The following PLEKHF1 variants were observed in gnomAD, a reference collection of about 807,000 sequenced individuals.
The protein encoded by PLEKHF1 is pleckstrin homology domain-containing family F member 1.
PLEKHF1 carries 1 observed loss-of-function variant against 4.1 expected under a neutral mutation model. The ratio of observed to expected loss-of-function variants is 0.24; its 90% confidence interval spans 0.09 to 1.15. The LOEUF (loss-of-function observed/expected upper bound fraction) is 1.15. Ranked by LOEUF, PLEKHF1 falls within the 50% of genes most tolerant of loss-of-function variation. The probability of loss-of-function intolerance (pLI) is 0.52; values close to 1 mark genes in which losing one functional copy is unlikely to be tolerated. For synonymous variants in PLEKHF1, 182 were observed against 178.5 expected (o/e 1.02, Z -0.16); for missense variants, 429 against 400.6 (o/e 1.07, Z -0.60).
At chr19:29,668,001 T>C (rs1971588614) in intron 1 of PLEKHF1, among the ~76,000 whole-genome samples, 1 of 152,110 alleles carries the variant, frequency 6.6e-6, no homozygotes, top group Non-Finnish European at 1.5e-5. Context: ...TGATCACGTA[T>C]CACACCTGGG....
rs1181846268 is a variant in PLEKHF1, at chr19:29,674,333, G to A, written c.494G>A (p.Arg165His). The change falls in exon 2 of 2, where the codon CGC becomes CAC. Residue 165 changes from arginine to histidine, a missense_variant. Arg to His is a conservative substitution (Grantham distance 29). Coordinates refer to ENST00000436066, the MANE Select transcript of PLEKHF1 (RefSeq NM_024310.5). ...TDICMRCTQTRFSALTRRHHC... is the reference protein window; with the variant it reads ...TDICMRCTQTHFSALTRRHHC... ...ATCTGCATGCGCTGCACGCAGACGCGCTTCTCTGCCCTCACGAGGCGCCAC... is the reference window on the plus strand; with the variant it reads ...ATCTGCATGCGCTGCACGCAGACGCACTTCTCTGCCCTCACGAGGCGCCAC... 5 of 1,567,534 alleles carry A rather than the reference G, an allele frequency of 3.2e-6. No individual in the cohort carries two copies. The highest frequency in any genetic ancestry group is 3.3e-4 in the Middle Eastern group (2 of 6,014).
intron 1 of PLEKHF1, among the ~76,000 whole-genome samples, chr19:29,668,110 C>T (rs923160090): frequency 7.2e-5 from 11 of 152,166 alleles, no homozygotes; most frequent in African/African-American, 2.7e-4. Context: ...CACCTCCAGC[C>T]CCTGTGCAGG....
At position 29,665,539 on chromosome 19, in the gene PLEKHF1, G is replaced by A. The variant is rs931053381; in HGVS notation, c.-17+34G>A. On this transcript the variant is annotated intron_variant, in intron 1 of 1. Coordinates refer to ENST00000436066, the MANE Select transcript of PLEKHF1 (RefSeq NM_024310.5). ...CCCCACCGTCCCCCGGCCGGGCTGC[G>A]GGTCGCGGGGCAGGCGCATGAGGCG... 9.6e-6 allele frequency: 12 copies of A among 1,251,168 alleles called. 1 individual carries two copies. In the African/African-American group the frequency reaches 1.5e-4, roughly 15 times the overall value. 77.5% of individuals were successfully genotyped at this position (1,251,168 alleles called of 1,614,324 possible). A position where few individuals can be genotyped will look rare whatever the true frequency, so the allele number is the denominator to read the frequency against.
intron 1 of PLEKHF1, among the ~76,000 whole-genome samples, chr19:29,672,429 C>G (rs537382188): frequency 8.5e-4 from 130 of 152,162 alleles, no homozygotes; most frequent in Non-Finnish European, 1.5e-3. Flanking sequence ...GCTGCCTGAG[C>G]TGGGGTTGTC....
At chr19:29,665,545 CG>C in intron 1 of PLEKHF1, 40 bp downstream of exon 1, 1 of 1,252,596 alleles carries the variant, frequency 8.0e-7, no homozygotes, top group Non-Finnish European at 1.0e-6. Flanking sequence ...CTGCGGGTCG[CG>C]GGGCAGGCGC....
chr19:29,673,885 G>A lies in PLEKHF1; in HGVS notation c.46G>A (p.Ala16Thr), dbSNP rs746887769. 15 of 1,610,242 alleles carry A rather than the reference G, an allele frequency of 9.3e-6. No homozygotes were observed. The South Asian group carries it at 1.4e-4, about 15-fold the overall frequency. ...ANTEINSQRI[A>T]AVESCFGASG... is the part of the protein sequence containing the mutation. ...CACGGAGATCAACAGCCAGCGCATC[G>A]CGGCAGTGGAGAGCTGCTTCGGGGC... Residue 16 changes from alanine (A) to threonine (T), a missense_variant, in exon 2 of 2, where the codon GCG (alanine) becomes ACG (threonine). Physicochemically the swap from Ala to Thr is moderately conservative, Grantham distance 58 (BLOSUM62 0). Coordinates refer to ENST00000436066, the MANE Select transcript of PLEKHF1 (RefSeq NM_024310.5).
chr19:29,674,539 C>G lies in PLEKHF1; in HGVS notation c.700C>G (p.Leu234Val). 4 of 1,584,902 alleles carry G rather than the reference C, an allele frequency of 2.5e-6. No homozygotes were observed. Among genetic ancestry groups the G allele is most frequent in the Non-Finnish European group, 1.7e-6 (2 of 1,167,310 alleles). The stretch of plus-strand genomic sequence containing the variant: ...GGGGTCCCCAGGGCAGCCAGCCCAC[C>G]TGGCCCGGCCCATCTGCGGAGCGTC... ...GAGSPGQPAH[L>V]ARPICGASSG... Residue 234 changes from leucine (L) to valine (V), a missense_variant, in exon 2 of 2, where the codon CTG (leucine) becomes GTG (valine). Leu to Val is a conservative substitution (Grantham distance 32). Coordinates refer to ENST00000436066, the MANE Select transcript of PLEKHF1 (RefSeq NM_024310.5).
chr19:29,668,000 A>G lies in PLEKHF1; in HGVS notation c.-17+2495A>G, dbSNP rs575004478. Reference sequence around the variant, plus strand: ...CTCCAGCCCCTGCTGTTGATCACGTATCACACCTGGGCTGCCACATACAGA... The same window carrying G: ...CTCCAGCCCCTGCTGTTGATCACGTGTCACACCTGGGCTGCCACATACAGA... On this transcript the variant is annotated intron_variant, in intron 1 of 1. Transcript: ENST00000436066. Among the ~76,000 whole-genome samples the G allele has an allele frequency of 9.8e-5, 15 of 152,318 alleles. No homozygotes were observed. In the East Asian group the frequency reaches 2.9e-3, roughly 29 times the overall value.
Position 29,674,418 on chromosome 19 carries a change from C to T in PLEKHF1, c.579C>T (p.Leu193=). 1 of 1,530,084 alleles carries T rather than the reference C, an allele frequency of 6.5e-7. No homozygotes were observed. Among genetic ancestry groups the T allele is most frequent in the Non-Finnish European group, 8.8e-7 (1 of 1,141,778 alleles). 94.8% of individuals were successfully genotyped at this position (1,530,084 alleles called of 1,614,324 possible). ...AGTGCTCGCGCCAGCGCTTCCTGCT[C>T]CCGCGCCTGTCCCCCAAGCCCGTGC... The part of the protein sequence containing the change: ...CAECSRQRFL[L]PRLSPKPVRV... The change falls in exon 2 of 2, where the codon CTC becomes CTT. Residue 193 remains leucine, a synonymous_variant. Coordinates refer to ENST00000436066, the MANE Select transcript of PLEKHF1 (RefSeq NM_024310.5).
In PLEKHF1 at chr19:29,671,726, G is replaced by A. The variant is rs918037500; in HGVS notation, c.-16-2098G>A. 2.0e-5 allele frequency among the ~76,000 whole-genome samples: 3 copies of A among 152,156 alleles called. No individual in the cohort carries two copies. The highest frequency in any genetic ancestry group is 4.4e-5 in the Non-Finnish European group (3 of 68,040). ...TGCAGGGGCAAGTGGAACGGGACTC[G>A]AGGGCCCAGCATCTTCTGTTCTGCA... On this transcript the variant is annotated intron_variant, in intron 1 of 1. Coordinates refer to ENST00000436066, the MANE Select transcript of PLEKHF1 (RefSeq NM_024310.5). This position sits in a 1 kb window ranked among gnomAD's most constrained non-coding sequence, Gnocchi z 4.0.
intron 1 of PLEKHF1, among the ~76,000 whole-genome samples, chr19:29,672,474 G>A (rs557528015): frequency 5.1e-4 from 77 of 152,188 alleles, no homozygotes; most frequent in Non-Finnish European, 9.6e-4. Flanking sequence ...CTGAGAACCC[G>A]TTGCAGGAAG....
In PLEKHF1 at chr19:29,674,097, A is replaced by C. The variant is rs1971665455; in HGVS notation, c.258A>C (p.Thr86=). 2 of 1,614,026 alleles carry C rather than the reference A, an allele frequency of 1.2e-6. No homozygotes were observed. The highest frequency in any genetic ancestry group is 4.5e-5 in the East Asian group (2 of 44,884). The change falls in exon 2 of 2, where the codon ACA becomes ACC. Residue 86 remains threonine, a synonymous_variant. Transcript: ENST00000436066. ...SQHIIPLEEV[T]LELLPETLQA... is the part of the protein sequence containing the mutation. ...ACATCATCCCCCTGGAGGAGGTCAC[A>C]CTGGAGCTGTTGCCGGAGACGCTGC...
chr19:29,674,276 C>T lies in PLEKHF1; in HGVS notation c.437C>T (p.Ala146Val). ...GGCCGCCCGCCCAGCACGGAGCACG[C>T]GGCACCCTGGATCCCCGACAAGGCC... ...ATGRPPSTEHAAPWIPDKATD... is the reference protein window; with the variant it reads ...ATGRPPSTEHVAPWIPDKATD... The change falls in exon 2 of 2, where the codon GCG (alanine) becomes GTG (valine). Residue 146 changes from alanine to valine, a missense_variant. By Grantham distance (64) the Ala-to-Val change is moderately conservative (BLOSUM62 0). Coordinates refer to ENST00000436066, the MANE Select transcript of PLEKHF1 (RefSeq NM_024310.5). 6.2e-7 allele frequency: 1 copy of T among 1,600,396 alleles called. No homozygotes were observed. The highest frequency in any genetic ancestry group is 8.5e-7 in the Non-Finnish European group (1 of 1,177,552).
rs374055612 is a variant in PLEKHF1, at chr19:29,668,584, T to C, written c.-17+3079T>C. 2.5e-3 allele frequency among the ~76,000 whole-genome samples: 387 copies of C among 151,836 alleles called. 1 individual carries two copies. Among genetic ancestry groups the C allele is most frequent in the African/African-American group, 9.0e-3 (372 of 41,420 alleles). ...CAAATTTAAAAATTAGCCAGGCATG[T>C]TGGTGCATGCCTGTGGTCCCAGCTA... On this transcript the variant is annotated intron_variant, in intron 1 of 1. Coordinates refer to ENST00000436066, the MANE Select transcript of PLEKHF1 (RefSeq NM_024310.5).
intron 1 of PLEKHF1, among the ~76,000 whole-genome samples, chr19:29,672,831 G>C (rs1031795917): frequency 6.6e-6 from 1 of 152,112 alleles, no homozygotes; most frequent in African/African-American, 2.4e-5. Context: ...GGCCAAGACT[G>C]GAGGCTTGGA....
In PLEKHF1 at chr19:29,670,682, C is replaced by CT. The variant is rs914357006; in HGVS notation, c.-16-3129dup. Among the ~76,000 whole-genome samples, 977 of 145,502 alleles carry CT rather than the reference C, an allele frequency of 6.7e-3. 8 individuals carry two copies. The highest frequency in any genetic ancestry group is 0.019 in the African/African-American group (773 of 40,018). ...ATCATATGGTAGTTCTGTTTTTAAC[C>CT]TTTTTTTTTTTTTGAGACGGAGTCT... On this transcript the variant is annotated intron_variant, in intron 1 of 1. Transcript: ENST00000436066.
At position 29,673,975 on chromosome 19, in the gene PLEKHF1, T is replaced by C; in HGVS notation, c.136T>C (p.Cys46Arg). 1.2e-6 allele frequency: 2 copies of C among 1,613,698 alleles called. No individual in the cohort carries two copies. The highest frequency in any genetic ancestry group is 1.7e-6 in the Non-Finnish European group (2 of 1,179,898). ...LLGEGVLTKE[C>R]RKKAKPRIFF... is the part of the protein sequence containing the mutation. ...GGGCGAGGGCGTGCTGACCAAAGAG[T>C]GCCGCAAGAAGGCCAAGCCGCGCAT... is the stretch of plus-strand genomic sequence containing the variant. The change falls in exon 2 of 2, where the codon TGC becomes CGC. Residue 46 changes from cysteine (C) to arginine (R), a missense_variant. Transcript: ENST00000436066.
chr19:29,668,323 G>T (rs369119112), intron 1 of PLEKHF1, among the ~76,000 whole-genome samples: 18 of 152,212 alleles, frequency 1.2e-4, no homozygotes, highest in African/African-American at 4.1e-4. Context: ...ACATCTTCCC[G>T]AGGCAGGCCG....
In PLEKHF1 at chr19:29,675,312, CTCTCTCCAGGTG is replaced by C. The variant is rs902112131; in HGVS notation, c.*636_*647del. 6.0e-6 allele frequency: 1 copy of C among 167,450 alleles called. No individual in the cohort carries two copies. Among genetic ancestry groups the C allele is most frequent in the Non-Finnish European group, 1.5e-5 (1 of 68,364 alleles). 10.4% of individuals were successfully genotyped at this position (167,450 alleles called of 1,614,324 possible). ...GGGTGAGGACTCTGTCCTGTGTCAC[CTCTCTCCAGGTG>C]TCCAGCTGTCTCATGCCTTTTTGTC... On this transcript the variant is annotated 3_prime_UTR_variant, in exon 2 of 2. Coordinates refer to ENST00000436066, the MANE Select transcript of PLEKHF1 (RefSeq NM_024310.5).
Sources: allele counts gnomAD v4.1 joint callset (sites outside exome capture counted in the v4.1 genomes callset), GRCh38; gene constraint gnomAD v4.1.1; non-coding constraint Gnocchi (gnomAD v3.1); transcripts MANE v1.5; gene names NCBI Gene and HGNC (gene_info 2026-07-23, HGNC 2026-07-21).